SEC14L1: variants seen among roughly 807,000 people sequenced by gnomAD.
SEC14L1 encodes the protein SEC14 like lipid binding 1, also known as SEC14-like protein 1.
In SEC14L1, 48 loss-of-function variants were observed where a neutral mutation model predicts 85.3. The ratio of observed to expected loss-of-function variants is 0.56; its 90% CI spans 0.45 to 0.72. The LOEUF (loss-of-function observed/expected upper bound fraction) is 0.72, where lower values mean the gene tolerates loss of function less well. Ranked by LOEUF, SEC14L1 falls within the 30% of genes least tolerant of loss-of-function variation. The pLI is 0.00. For synonymous variants in SEC14L1, 391 were observed against 355.5 expected (o/e 1.10, Z -1.12); for missense variants, 682 against 921.4 (o/e 0.74, Z 3.36).
At chr17:77,207,002 C>A in intron 13 of SEC14L1, 140 bp downstream of exon 13, 1 of 862,276 alleles carries the variant, frequency 1.2e-6, no homozygotes. Flanking sequence ...GCCGCCATTT[C>A]TCTGATCCAG....
At chr17:77,156,839 C>T (rs1973841241) in intron 3 of SEC14L1, among the ~76,000 whole-genome samples, 1 of 152,102 alleles carries the variant, frequency 6.6e-6, no homozygotes, top group South Asian at 2.1e-4. Context: ...AGCTTATAAT[C>T]CCTCTAGTTG....
chr17:77,178,865 C>T (rs909103861), intron 3 of SEC14L1, among the ~76,000 whole-genome samples: 4 of 152,172 alleles, frequency 2.6e-5, no homozygotes, highest in African/African-American at 4.8e-5. Context: ...GTGTGTTAAA[C>T]GAAGGTAGTC....
chr17:77,101,587 A>C (rs890875871), intron 3 of SEC14L1, among the ~76,000 whole-genome samples: 33 of 152,192 alleles, frequency 2.2e-4, no homozygotes, highest in Admixed American at 1.8e-3. Context: ...TTTGTTGTCT[A>C]GTTGAGTGCT....
At chr17:77,202,202 C>G (rs1976185611) in intron 9 of SEC14L1, among the ~76,000 whole-genome samples, 1 of 152,162 alleles carries the variant, frequency 6.6e-6, no homozygotes, top group Admixed American at 6.5e-5. Flanking sequence ...GAAGTAGAGT[C>G]AGGCCAGGCC....
chr17:77,089,336 G>C (rs1336067728), intron 2 of SEC14L1: 1 of 511,386 alleles, frequency 2.0e-6, no homozygotes, highest in African/African-American at 1.9e-5. Context: ...CTGTGTTGTT[G>C]AGCCTGCCAA....
chr17:77,212,257 T>G (rs896600966), intron 15 of SEC14L1, 56 bp downstream of exon 15: 130 of 1,595,738 alleles, frequency 8.1e-5, no homozygotes, highest in Non-Finnish European at 1.1e-4. Context: ...GCCAGGTGAT[T>G]CTGTCTTGAG....
intron 3 of SEC14L1, among the ~76,000 whole-genome samples, chr17:77,125,615 T>G (rs1030537290): frequency 2.0e-5 from 3 of 152,162 alleles, no homozygotes; most frequent in Non-Finnish European, 4.4e-5. Flanking sequence ...CGGGACCATA[T>G]GGAAATATTT....
intron 10 of SEC14L1, among the ~76,000 whole-genome samples, chr17:77,204,522 C>CATTTTTTTTTTTTTTTT (rs1555628453): frequency 1.2e-5 from 1 of 84,728 alleles, no homozygotes; most frequent in African/African-American, 4.0e-5. Flanking sequence ...GCCCAGCCAG[C>CATTTTTTTTTTTTTTTT]TTTTTTTTTT....
rs565481583 is a variant in SEC14L1, at chr17:77,173,825, G to A, written c.64-16978G>A. On this transcript the variant is annotated intron_variant, in intron 3 of 16. Transcript: ENST00000436233. The stretch of plus-strand genomic sequence containing the variant: ...TCTATTGTCTTGCTTGGGGTATTTC[G>A]CATCCTGGAGAAGGTGTTTTTTTGA... Among the ~76,000 whole-genome samples, 12 of 152,192 alleles carry A rather than the reference G, an allele frequency of 7.9e-5. No individual in the cohort carries two copies. In the East Asian group the frequency reaches 1.5e-3, roughly 20 times the overall value.
In SEC14L1 at chr17:77,216,963, C is replaced by T; in HGVS notation, c.*2940C>T. The T allele has an allele frequency of 5.7e-6, 1 of 174,790 alleles. No individual in the cohort carries two copies. Among genetic ancestry groups the T allele is most frequent in the Non-Finnish European group, 1.2e-5 (1 of 81,280 alleles). 10.8% of individuals were successfully genotyped at this position (174,790 alleles called of 1,614,324 possible). Reference sequence around the variant, plus strand: ...CTCTATTATGTCTTAATTCACTTTCCTTCCTAAATTTGTTATTTGCATATC... The same window carrying T: ...CTCTATTATGTCTTAATTCACTTTCTTTCCTAAATTTGTTATTTGCATATC... On this transcript the variant is annotated 3_prime_UTR_variant, in exon 17 of 17. Coordinates refer to ENST00000436233, the MANE Select transcript of SEC14L1 (RefSeq NM_001143998.2).
chr17:77,115,669 T>C (rs1284934653), intron 3 of SEC14L1, among the ~76,000 whole-genome samples: 6 of 152,130 alleles, frequency 3.9e-5, no homozygotes, highest in Non-Finnish European at 7.3e-5. Context: ...GCTGATTACA[T>C]TGTGAGTTGT....
chr17:77,172,256 A>G (rs953310627), intron 3 of SEC14L1, among the ~76,000 whole-genome samples: 1 of 152,104 alleles, frequency 6.6e-6, no homozygotes, highest in African/African-American at 2.4e-5. Context: ...TAAAAAAAAG[A>G]GTGGAGCCCT....
intron 3 of SEC14L1, among the ~76,000 whole-genome samples, chr17:77,147,376 A>AG (rs1216766523): frequency 1.3e-5 from 2 of 152,106 alleles, no homozygotes; most frequent in Non-Finnish European, 2.9e-5. Context: ...GTACCATTAA[A>AG]AAAAAAACAT....
intron 8 of SEC14L1, chr17:77,199,675 A>G (rs528529631): frequency 1.3e-5 from 2 of 152,370 alleles, no homozygotes; most frequent in East Asian, 3.9e-4. Flanking sequence ...ATAGTCATTC[A>G]TAGATCCGTT....
rs1598203156 is a variant in SEC14L1, at chr17:77,089,081, T to A, written c.-358-72T>A. 4 of 220,884 alleles carry A rather than the reference T, an allele frequency of 1.8e-5. No homozygotes were observed. In the South Asian group the frequency reaches 1.8e-4, roughly 10 times the overall value. 13.7% of individuals were successfully genotyped at this position (220,884 alleles called of 1,614,324 possible). ...GGGTCCCTGGCTGGGTTAGCCCAGG[T>A]TTCTAGGAGTGTGGTAAGCGTCGAA... is the stretch of plus-strand genomic sequence containing the variant. On this transcript the variant is annotated intron_variant, in intron 1 of 19. Transcript: ENST00000392476.
chr17:77,103,092 A>C (rs950121730), intron 3 of SEC14L1, among the ~76,000 whole-genome samples: 1 of 151,250 alleles, frequency 6.6e-6, no homozygotes, highest in African/African-American at 2.4e-5. Flanking sequence ...AGGCATGAGC[A>C]CTGCTTGGCC....
At chr17:77,160,758 G>A (rs1244240517) in intron 3 of SEC14L1, among the ~76,000 whole-genome samples, 19 of 152,066 alleles carry the variant, frequency 1.2e-4, no homozygotes, top group Admixed American at 6.5e-5. Flanking sequence ...ACATGGATGC[G>A]TTGAGATCAT....
At chr17:77,183,392 A>C (rs1975130026) in intron 3 of SEC14L1, among the ~76,000 whole-genome samples, 1 of 152,238 alleles carries the variant, frequency 6.6e-6, no homozygotes, top group Non-Finnish European at 1.5e-5. Flanking sequence ...ATTTGAAAGT[A>C]AGTTGCTTTA....
chr17:77,112,400 A>C (rs1972068200), intron 3 of SEC14L1, among the ~76,000 whole-genome samples: 1 of 149,840 alleles, frequency 6.7e-6, no homozygotes, highest in South Asian at 2.1e-4. Flanking sequence ...GATTTCCCTT[A>C]ATCCTTTTCT....
Sources: gnomAD v4.1 joint callset for allele counts (sites outside exome capture counted in the v4.1 genomes callset) on GRCh38, gnomAD v4.1.1 for gene constraint, MANE v1.5 for transcripts, NCBI Gene and HGNC (gene_info 2026-07-23, HGNC 2026-07-21) for gene names.